Variants in THADA observed in about 807,000 individuals in gnomAD.
The protein encoded by THADA is tRNA (32-2'-O)-methyltransferase regulator THADA.
In THADA, 213 loss-of-function variants were observed where a neutral mutation model predicts 219.8. The observed-to-expected ratio is 0.97, with a 90% CI of 0.87 to 1.09. THADA has a LOEUF of 1.09. Among genes scored for constraint, THADA ranks in the 50% least tolerant of loss-of-function variants. The probability of loss-of-function intolerance (pLI) is 0.00; values close to 1 mark genes in which losing one functional copy is unlikely to be tolerated. For missense variants in THADA, 2,956 were observed against 2,311.3 expected (o/e 1.28, Z -5.72); for synonymous variants, 1,018 against 828.9 (o/e 1.23, Z -3.92).
Position 43,465,909 on chromosome 2 carries a change from C to A in THADA, c.3836+19325G>T, listed in dbSNP as rs558719876. 2.6e-5 allele frequency among the ~76,000 whole-genome samples: 4 copies of A among 152,304 alleles called. No homozygotes were observed. The East Asian group carries it at 7.7e-4, about 29-fold the overall frequency. On this transcript the variant is annotated intron_variant, in intron 26 of 37. Transcript: ENST00000405975. ...CACCAGTCTGTTCCTCCTCCTAAAT[C>A]CTCGCTGCTGTAAATGGCACCATGA...
chr2:43,433,507 C>A lies in THADA; in HGVS notation c.3837-3205G>T, dbSNP rs1273375797. 2.0e-5 allele frequency among the ~76,000 whole-genome samples: 3 copies of A among 151,366 alleles called. No individual in the cohort carries two copies. In the South Asian group the frequency reaches 6.3e-4, roughly 32 times the overall value. On this transcript the variant is annotated intron_variant, in intron 26 of 37. Coordinates refer to ENST00000405975, the MANE Select transcript of THADA (RefSeq NM_022065.5). ...TCACGTCACTGCACTCCAGCCTGGG[C>A]GACAGAGTGAGACTCCATCTCAGAA...
chr2:43,282,935 C>A (rs1673534766), intron 35 of THADA, among the ~76,000 whole-genome samples: 2 of 152,180 alleles, frequency 1.3e-5, no homozygotes, highest in Non-Finnish European at 2.9e-5. Flanking sequence ...AATATCTCCA[C>A]CTTTACGTCC....
intron 29 of THADA, among the ~76,000 whole-genome samples, chr2:43,385,189 C>A: frequency 6.6e-6 from 1 of 151,996 alleles, no homozygotes; most frequent in East Asian, 1.9e-4. Flanking sequence ...AAACAAAAAA[C>A]AATTTGGTAA....
chr2:43,278,601 T>A (rs1033507477), intron 36 of THADA, among the ~76,000 whole-genome samples: 9 of 152,208 alleles, frequency 5.9e-5, no homozygotes, highest in Middle Eastern at 3.2e-3. Flanking sequence ...CCAAATGCTA[T>A]CCTGCTGAGA....
chr2:43,585,532 GTAGATAGA>G lies in THADA; in HGVS notation c.533+861_533+868del, dbSNP rs57755595. 5.7e-3 allele frequency among the ~76,000 whole-genome samples: 793 copies of G among 139,498 alleles called. 8 individuals carry two copies. Among genetic ancestry groups the G allele is most frequent in the African/African-American group, 0.017 (588 of 35,228 alleles). 91.5% of individuals were successfully genotyped at this position (139,498 alleles called of 152,430 possible). On this transcript the variant is annotated intron_variant, in intron 7 of 37. Coordinates refer to ENST00000405975, the MANE Select transcript of THADA (RefSeq NM_022065.5). ...GACCCTGTCACAAAGAAAAAAAAAT[GTAGATAGA>G]TAGATAGATAGATAGATAGATAGAT...
At position 43,430,221 on chromosome 2, in the gene THADA, T is replaced by C. The variant is rs1386113997; in HGVS notation, c.3918A>G (p.Thr1306=). 2.0e-6 allele frequency: 3 copies of C among 1,532,500 alleles called. No individual in the cohort carries two copies. Among genetic ancestry groups the C allele is most frequent in the Admixed American group, 2.1e-5 (1 of 48,040 alleles). The allele number at this position is 1,532,500 out of a possible 1,614,324, so 94.9% of individuals were successfully genotyped here. ...LLKQLETVAN[T]VDSDMGEPNR... ...CCCAATTCTCTTCTTACCTGTCTACTGTATTGGCTACAGTTTCCAACTGTT... is the reference window on the plus strand; with the variant it reads ...CCCAATTCTCTTCTTACCTGTCTACCGTATTGGCTACAGTTTCCAACTGTT... Residue 1306 remains threonine, a synonymous_variant, in exon 27 of 38, where the codon ACA becomes ACG. Coordinates refer to ENST00000405975, the MANE Select transcript of THADA (RefSeq NM_022065.5).
chr2:43,580,436 C>A (rs1559016856), intron 8 of THADA, among the ~76,000 whole-genome samples: 1 of 152,048 alleles, frequency 6.6e-6, no homozygotes, highest in Admixed American at 6.5e-5. Flanking sequence ...AAGTAAATAA[C>A]CTCTGAAAAG....
intron 26 of THADA, among the ~76,000 whole-genome samples, chr2:43,438,289 G>A (rs762660657): frequency 3.6e-5 from 4 of 112,386 alleles, no homozygotes; most frequent in South Asian, 6.5e-4. Context: ...GAGACAGAGC[G>A]ACTCCATCTC....
intron 34 of THADA, among the ~76,000 whole-genome samples, chr2:43,287,886 C>A (rs1674231671): frequency 6.6e-6 from 1 of 152,148 alleles, no homozygotes; most frequent in Non-Finnish European, 1.5e-5. Flanking sequence ...TCAAGTCATG[C>A]CTTAGGAAAT....
chr2:43,449,322 C>A (rs1326141893), intron 26 of THADA, among the ~76,000 whole-genome samples: 1 of 151,822 alleles, frequency 6.6e-6, no homozygotes, highest in Non-Finnish European at 1.5e-5. Context: ...GTCCAAGGGA[C>A]CTGTGGAACA....
At chr2:43,320,634 G>A in intron 30 of THADA, 94 bp from the exon 31 acceptor site, 4 of 839,228 alleles carry the variant, frequency 4.8e-6, no homozygotes, top group Non-Finnish European at 7.5e-6. Flanking sequence ...TATGGTATAT[G>A]ATGGGGCTTA....
intron 26 of THADA, among the ~76,000 whole-genome samples, chr2:43,438,476 G>T (rs1680427538): frequency 6.6e-6 from 1 of 152,136 alleles, no homozygotes; most frequent in Non-Finnish European, 1.5e-5. Context: ...AGTCAGAGAT[G>T]TGTTTACCTA....
At chr2:43,291,506 G>A (rs1482135098) in intron 34 of THADA, among the ~76,000 whole-genome samples, 190 bp downstream of exon 34, 3 of 124,362 alleles carry the variant, frequency 2.4e-5, no homozygotes, top group East Asian at 2.0e-4. Flanking sequence ...GAAAAGAAAG[G>A]TGGTGTCCAA....
chr2:43,559,976 A>C (rs1177851973), intron 16 of THADA, among the ~76,000 whole-genome samples: 2 of 152,158 alleles, frequency 1.3e-5, no homozygotes, highest in African/African-American at 4.8e-5. Context: ...AATAAAACCT[A>C]CCACCTCCTA....
intron 29 of THADA, among the ~76,000 whole-genome samples, chr2:43,360,536 T>C (rs1374229077): frequency 6.6e-6 from 1 of 152,240 alleles, no homozygotes; most frequent in African/African-American, 2.4e-5. Flanking sequence ...CATGTTCATC[T>C]TTCCCCAAGC....
At chr2:43,371,981 G>A (rs1009030057) in intron 29 of THADA, 1 of 152,144 alleles carries the variant, frequency 6.6e-6, no homozygotes, top group African/African-American at 2.4e-5. Flanking sequence ...CTGGATTTCT[G>A]ATGGTTGGGA....
chr2:43,520,702 GTATA>G (rs377737093), intron 22 of THADA, among the ~76,000 whole-genome samples: 1,535 of 136,600 alleles, frequency 0.011, 22 homozygotes, highest in Middle Eastern at 0.047. Context: ...ATATTTATAC[GTATA>G]TATATATACA....
chr2:43,263,304 T>C (rs900765125), intron 36 of THADA, among the ~76,000 whole-genome samples: 1 of 152,094 alleles, frequency 6.6e-6, no homozygotes, highest in Non-Finnish European at 1.5e-5. Flanking sequence ...CATTGCATGA[T>C]ACTTTCTCCT....
chr2:43,374,716 T>TATATATATTAACTATA (rs1671182420), intron 29 of THADA, among the ~76,000 whole-genome samples: 1 of 152,132 alleles, frequency 6.6e-6, no homozygotes, highest in African/African-American at 2.4e-5. Flanking sequence ...ATTAAATATG[T>TATATATATTAACTATA]TATATATAGT....
Sources: allele counts gnomAD v4.1 joint callset (sites outside exome capture counted in the v4.1 genomes callset), GRCh38; gene constraint gnomAD v4.1.1; transcripts MANE v1.5; gene names NCBI Gene and HGNC (gene_info 2026-07-23, HGNC 2026-07-21).